NDUFS7: variants seen among roughly 807,000 people sequenced by gnomAD.
NDUFS7 encodes NADH dehydrogenase [ubiquinone] iron-sulfur protein 7, mitochondrial.
Under a neutral mutation model 31.1 loss-of-function variants are expected in NDUFS7, and 11 were observed. The ratio of observed to expected loss-of-function variants is 0.35; its 90% CI spans 0.22 to 0.59. NDUFS7 has a LOEUF of 0.59. Among genes scored for constraint, NDUFS7 ranks in the 20% least tolerant of loss-of-function variants. The pLI, the probability that NDUFS7 is intolerant of heterozygous loss-of-function variation, is 0.79. For synonymous variants in NDUFS7, 136 were observed against 127.9 expected, an observed-to-expected ratio of 1.06 and a Z score of -0.43; for missense variants, 263 against 324.2, an observed-to-expected ratio of 0.81 and a Z score of 1.45.
At chr19:1,394,029 C>T (rs2082575483) in intron 7 of NDUFS7, 1 of 258,922 alleles carries the variant, frequency 3.9e-6, no homozygotes, top group Non-Finnish European at 7.6e-6. Context: ...GGAGGTGGCG[C>T]TCATGTGGGA....
rs538057632 is a variant in NDUFS7 at position 1,393,705 on chromosome 19, G to A, written c.544+375G>A. 67 of 564,314 alleles carry A rather than the reference G, an allele frequency of 1.2e-4. No individual in the cohort carries two copies. The highest frequency in any genetic ancestry group is 3.7e-4 in the Admixed American group (12 of 32,514). 35.0% of individuals were successfully genotyped at this position (564,314 alleles called of 1,614,324 possible). ...CGCCCTCAGCCTTACAGAAGGGCAC[G>A]CAGGACTCCCTGGGACCCGGGGTGG... On this transcript the variant is annotated intron_variant, in intron 7 of 7. Coordinates refer to ENST00000233627, the MANE Select transcript of NDUFS7 (RefSeq NM_024407.5). This position sits in a 1 kb window ranked among gnomAD's most constrained non-coding sequence, Gnocchi z 7.3.
chr19:1,385,242 C>CACCA (rs1410254064), intron 1 of NDUFS7, among the ~76,000 whole-genome samples: 1 of 152,166 alleles, frequency 6.6e-6, no homozygotes, highest in Non-Finnish European at 1.5e-5. Flanking sequence ...GGCCCACGCG[C>CACCA]GGTGGCTCAC....
chr19:1,384,377 C>T (rs1177258085), intron 1 of NDUFS7, among the ~76,000 whole-genome samples: 1 of 152,196 alleles, frequency 6.6e-6, no homozygotes, highest in Non-Finnish European at 1.5e-5. Context: ...AGGACATCCA[C>T]GCCACCCTGC....
intron 2 of NDUFS7, 42 bp from the exon 3 acceptor site, chr19:1,388,483 G>A (rs2082524662): frequency 1.3e-6 from 2 of 1,584,980 alleles, no homozygotes; most frequent in South Asian, 1.1e-5. Flanking sequence ...GGAGCTGGAG[G>A]GGCCTGGGAC....
At chr19:1,388,998 GCA>G (rs779830951) in intron 4 of NDUFS7, 60 bp downstream of exon 4, 24 of 1,378,312 alleles carry the variant, frequency 1.7e-5, no homozygotes, top group South Asian at 4.9e-5. Flanking sequence ...ACACTCACAG[GCA>G]CACACATACA....
At chr19:1,389,283 A>G (rs781211982) in intron 4 of NDUFS7, 3 of 585,072 alleles carry the variant, frequency 5.1e-6, no homozygotes, top group East Asian at 3.6e-5. Flanking sequence ...GCACACTCGC[A>G]CACACGTGCA....
In NDUFS7 at chr19:1,383,967, GTGGGGCCGCGCGGGTC is replaced by G. The variant is rs761766227; in HGVS notation, c.16+34_16+49del. On this transcript the variant is annotated intron_variant, in intron 1 of 7. Coordinates refer to ENST00000233627, the MANE Select transcript of NDUFS7 (RefSeq NM_024407.5). ...GGTGAGCGCGGCACCGGCGGCGGGT[GTGGGGCCGCGCGGGTC>G]TGGGGCCGTGGGAGCCTCGGGTGTC... 4.5e-6 allele frequency: 7 copies of G among 1,558,592 alleles called. No individual in the cohort carries two copies. The Admixed American group carries it at 7.7e-5, about 17-fold the overall frequency.
rs1248747255 is a variant in NDUFS7 at position 1,393,508 on chromosome 19, G to C, written c.544+178G>C. 1.4e-6 allele frequency: 1 copy of C among 693,822 alleles called. No individual in the cohort carries two copies. The highest frequency in any genetic ancestry group is 2.6e-6 in the Non-Finnish European group (1 of 380,492). The allele number at this position is 693,822 out of a possible 1,614,324, so 43.0% of individuals were successfully genotyped here. A position where few individuals can be genotyped will look rare whatever the true frequency, so the allele number is the denominator to read the frequency against. On this transcript the variant is annotated intron_variant, in intron 7 of 7. Coordinates refer to ENST00000233627, the MANE Select transcript of NDUFS7 (RefSeq NM_024407.5). The surrounding 1 kb of genome is among the most constrained non-coding windows in gnomAD (Gnocchi z 7.3). Reference sequence around the variant, plus strand: ...TGGAGCCTGTCCCCTGTGAGAAGTCGGCGATGTATTCAGGCATCAGAGGGA... The same window carrying C: ...TGGAGCCTGTCCCCTGTGAGAAGTCCGCGATGTATTCAGGCATCAGAGGGA...
chr19:1,394,605 C>T (rs1254574302), intron 7 of NDUFS7: 30 of 1,196,520 alleles, frequency 2.5e-5, no homozygotes, highest in Middle Eastern at 3.7e-4. Flanking sequence ...CCCTGGGGAC[C>T]GCGCCCCTCC....
intron 6 of NDUFS7, chr19:1,391,840 A>G (rs2082560126): frequency 6.6e-6 from 1 of 150,586 alleles, no homozygotes; most frequent in Non-Finnish European, 1.5e-5. Flanking sequence ...GTCTCTTAAC[A>G]TTTTAAAATA....
chr19:1,390,354 G>A (rs2082546458), intron 4 of NDUFS7: 1 of 202,390 alleles, frequency 4.9e-6, no homozygotes, highest in Admixed American at 5.3e-5. Flanking sequence ...ACATGCAGCA[G>A]GGCCCCTGCC....
rs757627492 is a variant in NDUFS7, at chr19:1,388,933, C to T, written c.223C>T (p.Arg75Cys). The change falls in exon 4 of 8, where the codon CGC becomes TGC. Residue 75 changes from arginine to cysteine, a missense_variant. Transcript: ENST00000233627. ...AKLDDLVNWA[R>C]RSSLWPMTFG... ...GCTGGATGACCTCGTCAACTGGGCCCGCCGGGTGAGTACTATGAGCTGTAG... is the reference window on the plus strand; with the variant it reads ...GCTGGATGACCTCGTCAACTGGGCCTGCCGGGTGAGTACTATGAGCTGTAG... The T allele has an allele frequency of 8.7e-6, 14 of 1,604,628 alleles. No homozygotes were observed. Among genetic ancestry groups the T allele is most frequent in the South Asian group, 2.2e-5 (2 of 89,344 alleles).
chr19:1,391,200 G>T, intron 6 of NDUFS7, 35 bp downstream of exon 6: 1 of 1,604,946 alleles, frequency 6.2e-7, no homozygotes, highest in African/African-American at 1.3e-5. Context: ...AGGGACAGAC[G>T]TAGCGTGAGT....
chr19:1,395,327 C>T (rs1197226905), intron 7 of NDUFS7, 64 bp from the exon 8 acceptor site: 8 of 1,551,512 alleles, frequency 5.2e-6, no homozygotes, highest in Non-Finnish European at 7.0e-6. Context: ...GAGCCGGCTG[C>T]GCTGTGCACG....
intron 4 of NDUFS7, chr19:1,389,365 A>C: frequency 2.1e-6 from 1 of 467,502 alleles, no homozygotes. Flanking sequence ...GGACACATGC[A>C]TGTGTGCCTG....
chr19:1,385,690 G>A (rs756550376), intron 1 of NDUFS7, among the ~76,000 whole-genome samples: 8 of 151,856 alleles, frequency 5.3e-5, no homozygotes, highest in Non-Finnish European at 1.2e-4. Context: ...GTGGTAGCAG[G>A]CGCCTGTAAT....
chr19:1,394,684 GCTCCCTCCCTGCGGACTGTGCTT>G lies in NDUFS7; in HGVS notation c.545-696_545-674del, dbSNP rs1442696120. The G allele has an allele frequency of 4.8e-3, 5,803 of 1,200,272 alleles. 231 individuals carry two copies. In the African/African-American group the frequency reaches 0.094, roughly 19 times the overall value. 74.4% of individuals were successfully genotyped at this position (1,200,272 alleles called of 1,614,324 possible). A position where few individuals can be genotyped will look rare whatever the true frequency, so the allele number is the denominator to read the frequency against. ...TCCCTCCCTCCCTGCGGACTGTGCT[GCTCCCTCCCTGCGGACTGTGCTT>G]CTCCCTCCCTTGGAGCAGCCTGGAC... On this transcript the variant is annotated intron_variant, in intron 7 of 7. Coordinates refer to ENST00000233627, the MANE Select transcript of NDUFS7 (RefSeq NM_024407.5).
At chr19:1,387,350 G>A (rs2082514065) in intron 1 of NDUFS7, among the ~76,000 whole-genome samples, 2 of 152,250 alleles carry the variant, frequency 1.3e-5, no homozygotes, top group South Asian at 4.1e-4. Context: ...AGAACCGGGT[G>A]CCGGCAACCG....
chr19:1,393,558 T>G lies in NDUFS7; in HGVS notation c.544+228T>G. 1 of 652,060 alleles carries G rather than the reference T, an allele frequency of 1.5e-6. No homozygotes were observed. The allele number at this position is 652,060 out of a possible 1,614,324, so 40.4% of individuals were successfully genotyped here. A position where few individuals can be genotyped will look rare whatever the true frequency, so the allele number is the denominator to read the frequency against. ...ATCAGAGGGAGCAGGGGAAGCTGAG[T>G]GGAATTCCTGACACACGCCTGGTTT... On this transcript the variant is annotated intron_variant, in intron 7 of 7. Transcript: ENST00000233627. This position sits in a 1 kb window ranked among gnomAD's most constrained non-coding sequence, Gnocchi z 7.3.
Sources: gnomAD v4.1 joint callset for allele counts (sites outside exome capture counted in the v4.1 genomes callset) on GRCh38, gnomAD v4.1.1 for gene constraint, Gnocchi (gnomAD v3.1) non-coding constraint, MANE v1.5 for transcripts, NCBI Gene and HGNC (gene_info 2026-07-23, HGNC 2026-07-21) for gene names.